The following AGRN variants were observed in gnomAD, a reference collection of about 807,000 sequenced individuals.
AGRN encodes the protein agrin.
Under a neutral mutation model 211.0 loss-of-function variants are expected in AGRN, and 106 were observed. That is an observed-to-expected ratio of 0.50 (90% CI 0.43 to 0.59). The LOEUF is 0.59. AGRN is among the 20% of genes least tolerant of loss of function. AGRN has a pLI of 0.00. For missense variants in AGRN, 3,040 were observed against 2,982.6 expected (o/e 1.02, Z -0.45); for synonymous variants, 1,525 against 1,332.5 (o/e 1.14, Z -3.15).
chr1:1,048,193 C>A lies in AGRN; in HGVS notation c.3933C>A (p.Pro1311=), dbSNP rs1163975598. The change falls in exon 23 of 36, where the codon CCC becomes CCA. Residue 1311 remains proline (P), a synonymous_variant. Coordinates refer to ENST00000379370, the MANE Select transcript of AGRN (RefSeq NM_198576.4). This position sits in a 1 kb window ranked among gnomAD's most constrained non-coding sequence, Gnocchi z 5.9. ...TTAAPTTRRP[P]TTAPSRVPGR... is the part of the protein sequence containing the mutation. ...CAGCCCCCACCACACGTCGGCCCCCCACCACTGCCCCCAGCCGTGTGCCCG... is the reference window on the plus strand; with the variant it reads ...CAGCCCCCACCACACGTCGGCCCCCAACCACTGCCCCCAGCCGTGTGCCCG... 5.7e-6 allele frequency: 9 copies of A among 1,566,328 alleles called. No homozygotes were observed. The African/African-American group carries it at 8.1e-5, about 14-fold the overall frequency.
chr1:1,035,228 G>A lies in AGRN; in HGVS notation c.464-49G>A, dbSNP rs370814470. On this transcript the variant is annotated intron_variant, in intron 2 of 35. Transcript: ENST00000379370. ...CAGGCTGGGCAAAGGGATGGGACAGGGAGGAGCCTGCTCAGAGGAGCCTAA... is the reference window on the plus strand; with the variant it reads ...CAGGCTGGGCAAAGGGATGGGACAGAGAGGAGCCTGCTCAGAGGAGCCTAA... 2.1e-5 allele frequency: 33 copies of A among 1,606,320 alleles called. No individual in the cohort carries two copies. In the African/African-American group the frequency reaches 3.7e-4, roughly 18 times the overall value.
intron 2 of AGRN, chr1:1,034,930 A>G: frequency 2.5e-6 from 1 of 400,308 alleles, no homozygotes; most frequent in Non-Finnish European, 4.6e-6. Context: ...CTGGGGAGGG[A>G]GGGGCAGCCG....
Position 1,046,932 on chromosome 1 carries a change from G to A in AGRN, c.3363G>A (p.Leu1121=), listed in dbSNP as rs1216031816. 8 of 1,579,932 alleles carry A rather than the reference G, an allele frequency of 5.1e-6. No homozygotes were observed. Among genetic ancestry groups the A allele is most frequent in the Non-Finnish European group, 6.9e-6 (8 of 1,163,888 alleles). ...GCCSDGKTPS[L]DAEGSNCPAT... ...GCTCTGATGGGAAGACGCCCTCGCT[G>A]GACGCAGAGGGCTCCAACTGCCCCG... The change falls in exon 19 of 36, where the codon CTG becomes CTA. Residue 1121 remains leucine (L), a synonymous_variant. Coordinates refer to ENST00000379370, the MANE Select transcript of AGRN (RefSeq NM_198576.4).
chr1:1,027,641 C>T (rs188291543), intron 2 of AGRN, among the ~76,000 whole-genome samples: 2 of 152,306 alleles, frequency 1.3e-5, no homozygotes, highest in African/African-American at 4.8e-5. Context: ...TCCCTTGGGG[C>T]GGCAGTGAGG....
chr1:1,051,041 A>G lies in AGRN; in HGVS notation c.5253+204A>G, dbSNP rs900275249. 5.2e-6 allele frequency: 8 copies of G among 1,548,858 alleles called. No homozygotes were observed. In the Admixed American group the frequency reaches 1.6e-4, roughly 30 times the overall value. On this transcript the variant is annotated intron_variant, in intron 30 of 35. Transcript: ENST00000379370. The stretch of plus-strand genomic sequence containing the variant: ...GCTCTTCGGAGGCCAGAAATCCCGC[A>G]AGGTACTGTCGGCCTCTCATCCGCT...
At chr1:1,020,701 C>T (rs1203836680) in intron 1 of AGRN, among the ~76,000 whole-genome samples, 2 of 152,034 alleles carry the variant, frequency 1.3e-5, no homozygotes, top group South Asian at 2.1e-4. Flanking sequence ...TTTGCCCGGG[C>T]GGGGAGCGGG....
At chr1:1,047,279 G>GGATGCCAGGCA (rs750723557) in intron 19 of AGRN, 48 bp from the exon 20 acceptor site, 1 of 1,555,480 alleles carries the variant, frequency 6.4e-7, no homozygotes. Flanking sequence ...GGGCCAGCCT[G>GGATGCCAGGCA]GATGCCAGGC....
rs1645171994 is a variant in AGRN, at chr1:1,048,634, G to T, written c.4106-233G>T. 1.6e-6 allele frequency: 1 copy of T among 607,220 alleles called. No individual in the cohort carries two copies. The highest frequency in any genetic ancestry group is 2.8e-6 in the Non-Finnish European group (1 of 354,132). The allele number at this position is 607,220 out of a possible 1,614,324, so 37.6% of individuals were successfully genotyped here. On this transcript the variant is annotated intron_variant, in intron 23 of 35. Coordinates refer to ENST00000379370, the MANE Select transcript of AGRN (RefSeq NM_198576.4). The surrounding 1 kb of genome is among the most constrained non-coding windows in gnomAD (Gnocchi z 5.9). ...AAAAATACAAAATTAGCCGGGCGTGGTGGTGGGCGCCTGTAATCCCACCTC... is the reference window on the plus strand; with the variant it reads ...AAAAATACAAAATTAGCCGGGCGTGTTGGTGGGCGCCTGTAATCCCACCTC...
chr1:1,054,662 G>A (rs1645403597), intron 35 of AGRN, 111 bp downstream of exon 35: 15 of 1,484,652 alleles, frequency 1.0e-5, no homozygotes, highest in East Asian at 7.4e-5. Context: ...GTGAGCCGGC[G>A]GGCTGGGCTC....
Position 1,043,992 on chromosome 1 carries a change from C to T in AGRN, c.1968C>T (p.Ile656=), listed in dbSNP as rs770946661. Reference sequence around the variant, plus strand: ...CCGCCTGCCTCCAGCAGACACAGATCGAGGAGGCCCGGGCAGGGCCGTGCG... The same window carrying T: ...CCGCCTGCCTCCAGCAGACACAGATTGAGGAGGCCCGGGCAGGGCCGTGCG... ...REAACLQQTQ[I]EEARAGPCEQ... Residue 656 remains isoleucine, a synonymous_variant, in exon 10 of 36, where the codon ATC becomes ATT. Coordinates refer to ENST00000379370, the MANE Select transcript of AGRN (RefSeq NM_198576.4). 31 of 1,606,484 alleles carry T rather than the reference C, an allele frequency of 1.9e-5. No individual in the cohort carries two copies. Among genetic ancestry groups the T allele is most frequent in the Non-Finnish European group, 2.4e-5 (28 of 1,178,862 alleles).
chr1:1,048,839 A>C lies in AGRN; in HGVS notation c.4106-28A>C. On this transcript the variant is annotated intron_variant, in intron 23 of 35. Transcript: ENST00000379370. This position sits in a 1 kb window ranked among gnomAD's most constrained non-coding sequence, Gnocchi z 5.9. ...AGTGGGGAATCCTCGGAGCTTTTCC[A>C]GCCGGCCCTCCCGGTCGCCCTTTGC... The C allele has an allele frequency of 6.6e-7, 1 of 1,515,674 alleles. No individual in the cohort carries two copies. The allele number at this position is 1,515,674 out of a possible 1,614,324, so 93.9% of individuals were successfully genotyped here.
At chr1:1,050,952 C>T (rs550835934) in intron 30 of AGRN, 115 bp downstream of exon 30, 34 of 1,547,448 alleles carry the variant, frequency 2.2e-5, no homozygotes, top group East Asian at 7.3e-5. Context: ...TTCTCTTGGC[C>T]GCCTGCCCTG....
chr1:1,034,726 T>G (rs1399586281), intron 2 of AGRN: 1 of 999,076 alleles, frequency 1.0e-6, no homozygotes, highest in Admixed American at 5.2e-5. Flanking sequence ...GGGCGGGGCG[T>G]CGCACTGGCC....
chr1:1,048,869 C>T lies in AGRN; in HGVS notation c.4108C>T (p.Leu1370Phe), dbSNP rs759572326. The T allele has an allele frequency of 5.2e-6, 8 of 1,536,526 alleles. No individual in the cohort carries two copies. The South Asian group carries it at 7.2e-5, about 14-fold the overall frequency. The change falls in exon 24 of 36, where the codon CTT (leucine) becomes TTT (phenylalanine). Residue 1370 changes from leucine to phenylalanine, a missense_variant and splice_region_variant. Coordinates refer to ENST00000379370, the MANE Select transcript of AGRN (RefSeq NM_198576.4). This position sits in a 1 kb window ranked among gnomAD's most constrained non-coding sequence, Gnocchi z 5.9. ...GRGGAVCEKV[L>F]GAPVPAFEGR... Reference sequence around the variant, plus strand: ...GCCCTCCCGGTCGCCCTTTGCAGTGCTTGGCGCCCCTGTGCCGGCCTTCGA... The same window carrying T: ...GCCCTCCCGGTCGCCCTTTGCAGTGTTTGGCGCCCCTGTGCCGGCCTTCGA...
Position 1,051,532 on chromosome 1 carries a change from C to T in AGRN, c.5450C>T (p.Pro1817Leu). The change falls in exon 32 of 36, where the codon CCC (proline) becomes CTC (leucine). Residue 1817 changes from proline to leucine, a missense_variant. Coordinates refer to ENST00000379370, the MANE Select transcript of AGRN (RefSeq NM_198576.4). ...QVDVTSFAGHPCTRASGHPCL... is the reference protein window; with the variant it reads ...QVDVTSFAGHLCTRASGHPCL... ...GACGTCACGTCCTTTGCAGGTCACC[C>T]CTGCACCCGGGCCTCAGGCCACCCC... 6.4e-7 allele frequency: 1 copy of T among 1,566,654 alleles called. No individual in the cohort carries two copies. Among genetic ancestry groups the T allele is most frequent in the Non-Finnish European group, 8.6e-7 (1 of 1,156,626 alleles).
At chr1:1,039,301 T>G (rs975152718) in intron 3 of AGRN, among the ~76,000 whole-genome samples, 1 of 151,562 alleles carries the variant, frequency 6.6e-6, no homozygotes, top group Non-Finnish European at 1.5e-5. Flanking sequence ...TCACTCAGCC[T>G]TCTGGGGTGG....
Position 1,055,549 on chromosome 1 carries a change from C to T in AGRN, c.*568C>T. 5.1e-6 allele frequency: 1 copy of T among 194,976 alleles called. No individual in the cohort carries two copies. Among genetic ancestry groups the T allele is most frequent in the Non-Finnish European group, 1.1e-5 (1 of 93,870 alleles). 12.1% of individuals were successfully genotyped at this position (194,976 alleles called of 1,614,324 possible). On this transcript the variant is annotated 3_prime_UTR_variant, in exon 36 of 36. Coordinates refer to ENST00000379370, the MANE Select transcript of AGRN (RefSeq NM_198576.4). ...GGCTGCTGAGGAGCAGAGGCCAGAC[C>T]AGGGCCGATCTGGGTGTCCTGACCC...
chr1:1,048,168 C>A lies in AGRN; in HGVS notation c.3908C>A (p.Ala1303Glu). The part of the protein sequence containing the change: ...HTSQPVAKTT[A>E]APTTRRPPTT... ...AGCCAGCCCGTTGCCAAGACCACGG[C>A]AGCCCCCACCACACGTCGGCCCCCC... is the stretch of plus-strand genomic sequence containing the variant. Residue 1303 changes from alanine (A) to glutamate (E), a missense_variant, in exon 23 of 36, where the codon GCA becomes GAA. Around this residue, in one of 3 missense-constraint regions of AGRN, gnomAD observed 1,537 missense variants for 1,505.0 expected, o/e 1.02. Transcript: ENST00000379370. This position sits in a 1 kb window ranked among gnomAD's most constrained non-coding sequence, Gnocchi z 5.9. The A allele has an allele frequency of 1.9e-6, 3 of 1,578,876 alleles. No homozygotes were observed. The highest frequency in any genetic ancestry group is 1.1e-5 in the South Asian group (1 of 87,390).
At chr1:1,033,969 C>A in intron 2 of AGRN, 1 of 285,828 alleles carries the variant, frequency 3.5e-6, no homozygotes, top group Non-Finnish European at 5.3e-6. Flanking sequence ...CTCCCGCCCT[C>A]CCTCCGCGGC....
Sources: allele counts gnomAD v4.1 joint callset (sites outside exome capture counted in the v4.1 genomes callset), GRCh38; gene constraint gnomAD v4.1.1; regional missense constraint gnomAD v4.1.1; non-coding constraint Gnocchi (gnomAD v3.1); transcripts MANE v1.5; gene names NCBI Gene and HGNC (gene_info 2026-07-23, HGNC 2026-07-21).